The following TTN variants were observed in gnomAD, a reference collection of about 807,000 sequenced individuals.
TTN encodes the protein titin, also known as connectin.
A neutral mutation model predicts 3,223.0 loss-of-function variants in TTN; 1,525 were observed. The ratio of observed to expected loss-of-function variants is 0.47; its 90% confidence interval spans 0.45 to 0.49. The LOEUF is 0.49. Ranked by LOEUF, TTN falls within the 20% of genes least tolerant of loss-of-function variation. The probability of loss-of-function intolerance (pLI) is 0.00; values close to 1 mark genes in which losing one functional copy is unlikely to be tolerated. For synonymous variants in TTN, 14,094 were observed against 15,161.0 expected (o/e 0.93, Z 5.17); for missense variants, 40,786 against 43,424.0 (o/e 0.94, Z 5.40).
At chr2:178,652,043 C>T (rs572407357) in intron 204 of TTN, 53 bp downstream of exon 204, 94 of 1,611,886 alleles carry the variant, frequency 5.8e-5, no homozygotes, top group Non-Finnish European at 7.9e-5. Context: ...GTTTTTACAA[C>T]ACTAAGGAAA....
At chr2:178,667,599 A>G (rs1166556523) in intron 160 of TTN, 39 bp downstream of exon 160, 1 of 1,580,400 alleles carries the variant, frequency 6.3e-7, no homozygotes, top group South Asian at 1.1e-5. Context: ...GGGGCCAAAA[A>G]ATAATTTTTC....
In TTN at chr2:178,634,323, G is replaced by C. The variant is rs1426036331; in HGVS notation, c.42415+43C>G. ...GTCCTATCTTTAAAGTCATATATTT[G>C]CATGCCTTTATGGGATGTCACAGAT... On this transcript the variant is annotated intron_variant, in intron 230 of 362. Transcript: ENST00000589042. The surrounding 1 kb of genome is among the most constrained non-coding windows in gnomAD (Gnocchi z 4.6). 6.4e-7 allele frequency: 1 copy of C among 1,572,902 alleles called. No homozygotes were observed. The highest frequency in any genetic ancestry group is 1.4e-5 in the African/African-American group (1 of 72,310).
Position 178,738,114 on chromosome 2 carries a change from C to T in TTN, c.14339G>A (p.Ser4780Asn), listed in dbSNP as rs147879266. ...YTCKASNEYGSVSCTATLTVT... is the reference protein window; with the variant it reads ...YTCKASNEYGNVSCTATLTVT... ...AGTTAGTGTGGCTGTACAGCTGACACTGCCATACTCATTGGAAGCTTTGCA... is the reference window on the plus strand; with the variant it reads ...AGTTAGTGTGGCTGTACAGCTGACATTGCCATACTCATTGGAAGCTTTGCA... Residue 4780 changes from serine to asparagine, a missense_variant, in exon 49 of 363, where the codon AGT becomes AAT. Ser to Asn is a conservative substitution (Grantham distance 46). Transcript: ENST00000589042. The T allele has an allele frequency of 4.4e-5, 71 of 1,613,716 alleles. 1 individual carries two copies. In the East Asian group the frequency reaches 1.0e-3, roughly 24 times the overall value.
At chr2:178,779,500 C>A (rs1243678279) in intron 22 of TTN, 38 bp from the exon 23 acceptor site, 1 of 1,234,552 alleles carries the variant, frequency 8.1e-7, no homozygotes, top group South Asian at 1.3e-5. Flanking sequence ...AAATACATAT[C>A]CTTACTGATA....
Position 178,751,854 on chromosome 2 carries a change from A to T in TTN, c.11311+1270T>A, listed in dbSNP as rs139322919. The T allele has an allele frequency of 2.5e-6, 4 of 1,610,412 alleles. No homozygotes were observed. The highest frequency in any genetic ancestry group is 1.3e-5 in the African/African-American group (1 of 74,612). ...GTAAAAACAACCGGTTCACCCTCTA[A>T]AACATATTTAAATGTAAGTTTCTGG... On this transcript the variant is annotated intron_variant, in intron 47 of 362. Transcript: ENST00000589042.
intron 47 of TTN, chr2:178,749,580 G>T (rs575175050): frequency 1.2e-6 from 2 of 1,612,292 alleles, no homozygotes; most frequent in African/African-American, 1.3e-5. Context: ...TCTTGCAGTT[G>T]CTGATCTCTG....
rs749889101 is a variant in TTN at position 178,610,109 on chromosome 2, G to A, written c.51417C>T (p.Val17139=). The A allele has an allele frequency of 4.3e-6, 7 of 1,612,700 alleles. No homozygotes were observed. In the Admixed American group the frequency reaches 5.0e-5, roughly 12 times the overall value. Residue 17139 remains valine, a synonymous_variant, in exon 271 of 363, where the codon GTC becomes GTT. Coordinates refer to ENST00000589042, the MANE Select transcript of TTN (RefSeq NM_001267550.2). ...ACTTACGCTTTGGATCTTGAGCAAT[G>A]ACTGGATTTTTCAGTTCAATATATT... ...GGEYIELKNP[V]IAQDPKQPPD...
In TTN at chr2:178,727,776, G is replaced by T. The variant is rs1578111426; in HGVS notation, c.19802C>A (p.Pro6601Gln). The stretch of plus-strand genomic sequence containing the variant: ...CTTAAACCATTTTATTTTAAATGGT[G>T]GTGTTCCTTTTAGTATTGCCTTAAA... ...VEFKAILKGT[P>Q]PFKIKWFKDD... The change falls in exon 68 of 363, where the codon CCA becomes CAA. Residue 6601 changes from proline (P) to glutamine (Q), a missense_variant. Coordinates refer to ENST00000589042, the MANE Select transcript of TTN (RefSeq NM_001267550.2). 1 of 1,613,110 alleles carries T rather than the reference G, an allele frequency of 6.2e-7. No individual in the cohort carries two copies. Among genetic ancestry groups the T allele is most frequent in the Non-Finnish European group, 8.5e-7 (1 of 1,179,364 alleles).
intron 198 of TTN, 47 bp downstream of exon 198, chr2:178,653,191 C>T (rs780939316): frequency 1.9e-6 from 3 of 1,609,198 alleles, no homozygotes; most frequent in Admixed American, 1.7e-5. Context: ...ATGTCTTCAA[C>T]TGCAAAAGAA....
rs748067330 is a variant in TTN, at chr2:178,706,722, T to C, written c.29152A>G (p.Ile9718Val). 4 of 1,608,922 alleles carry C rather than the reference T, an allele frequency of 2.5e-6. No individual in the cohort carries two copies. In the Admixed American group the frequency reaches 5.0e-5, roughly 20 times the overall value. ...RVVEKTTATF[I>V]AKVGGDPIPN... Reference sequence around the variant, plus strand: ...ATTGGGTCACCTCCAACTTTTGCAATGAAGGTCGCAGTGGTTTCTAAGGAA... The same window carrying C: ...ATTGGGTCACCTCCAACTTTTGCAACGAAGGTCGCAGTGGTTTCTAAGGAA... The change falls in exon 102 of 363, where the codon ATT becomes GTT. Residue 9718 changes from isoleucine (I) to valine (V), a missense_variant. Coordinates refer to ENST00000589042, the MANE Select transcript of TTN (RefSeq NM_001267550.2).
In TTN at chr2:178,722,873, T is replaced by C. The variant is rs1193896302; in HGVS notation, c.22026A>G (p.Leu7342=). ...CTGGTGTCCCAGCAACTTGGCATTG[T>C]AAAGAAACCGAATCTCCAACTGCTG... ...LEAAVGDSVS[L]QCQVAGTPEI... is the part of the protein sequence containing the mutation. The change falls in exon 76 of 363, where the codon TTA becomes TTG. Residue 7342 remains leucine, a synonymous_variant. Transcript: ENST00000589042. 1 of 1,613,036 alleles carries C rather than the reference T, an allele frequency of 6.2e-7. No individual in the cohort carries two copies. The highest frequency in any genetic ancestry group is 1.1e-5 in the South Asian group (1 of 90,978).
chr2:178,532,127 A>G lies in TTN; in HGVS notation c.104488T>C (p.Ser34830Pro), dbSNP rs1455468740. ...EISKHAQRESSSSASRLLRRR... is the reference protein window; with the variant it reads ...EISKHAQRESPSSASRLLRRR... ...CTCAGTAGTCTAGACGCAGATGAGG[A>G]TGATTCTCTTTGAGCATGTTTTGAG... The change falls in exon 358 of 363, where the codon TCC becomes CCC. Residue 34830 changes from serine to proline, a missense_variant. Ser to Pro is a moderately conservative substitution (Grantham distance 74, BLOSUM62 -1). Transcript: ENST00000589042. The G allele has an allele frequency of 3.1e-6, 5 of 1,613,972 alleles. No individual in the cohort carries two copies. The highest frequency in any genetic ancestry group is 3.4e-6 in the Non-Finnish European group (4 of 1,179,858).
In TTN at chr2:178,741,567, T is replaced by G; in HGVS notation, c.11666A>C (p.Glu3889Ala). 2 of 1,613,834 alleles carry G rather than the reference T, an allele frequency of 1.2e-6. No homozygotes were observed. Among genetic ancestry groups the G allele is most frequent in the Non-Finnish European group, 1.7e-6 (2 of 1,179,824 alleles). ...ILFTKLEDEG[E>A]YTCMASNDYG... ...GTCATTACTGGCCATACATGTATAC[T>G]CTCCCTCATCCTCCAATTTGGTGAA... Residue 3889 changes from glutamate to alanine, a missense_variant, in exon 48 of 363, where the codon GAG becomes GCG. Coordinates refer to ENST00000589042, the MANE Select transcript of TTN (RefSeq NM_001267550.2).
rs2090820350 is a variant in TTN at position 178,768,024 on chromosome 2, T to C, written c.9295A>G (p.Ile3099Val). 6.2e-7 allele frequency: 1 copy of C among 1,614,050 alleles called. No homozygotes were observed. Among genetic ancestry groups the C allele is most frequent in the Admixed American group, 1.7e-5 (1 of 60,000 alleles). ...GACAAAACAACTGACCTGTCTGTGATCTGCAGTTCCTGGTCATCTTTCATC... is the reference window on the plus strand; with the variant it reads ...GACAAAACAACTGACCTGTCTGTGACCTGCAGTTCCTGGTCATCTTTCATC... Reference protein sequence around the residue: ...QWMKDDQELQITDRIKIQKEK... With the variant: ...QWMKDDQELQVTDRIKIQKEK... The change falls in exon 39 of 363, where the codon ATC (isoleucine) becomes GTC (valine). Residue 3099 changes from isoleucine to valine, a missense_variant. Ile to Val is a conservative substitution (Grantham distance 29). Transcript: ENST00000589042.
intron 71 of TTN, 180 bp downstream of exon 71, chr2:178,725,188 T>C (rs1368650616): frequency 3.2e-6 from 2 of 624,076 alleles, no homozygotes; most frequent in Non-Finnish European, 4.7e-6. Flanking sequence ...TAATTTTTGT[T>C]AGAATCACAG....
In TTN at chr2:178,562,826, G is replaced by A; in HGVS notation, c.83306C>T (p.Ala27769Val). Residue 27769 changes from alanine (A) to valine (V), a missense_variant, in exon 326 of 363, where the codon GCC becomes GTC. By Grantham distance (64) the Ala-to-Val change is moderately conservative (BLOSUM62 0). Coordinates refer to ENST00000589042, the MANE Select transcript of TTN (RefSeq NM_001267550.2). Reference sequence around the variant, plus strand: ...TTCTCTTATGGTCAAATTCACAGGGGCACTTGGTGAGTCAAGAACTCTGAC... The same window carrying A: ...TTCTCTTATGGTCAAATTCACAGGGACACTTGGTGAGTCAAGAACTCTGAC... Reference protein sequence around the residue: ...VNVRVLDSPSAPVNLTIREVK... With the variant: ...VNVRVLDSPSVPVNLTIREVK... 8 of 1,612,956 alleles carry A rather than the reference G, an allele frequency of 5.0e-6. No individual in the cohort carries two copies. The highest frequency in any genetic ancestry group is 6.8e-6 in the Non-Finnish European group (8 of 1,179,472).
chr2:178,668,631 C>A (rs551878842), intron 159 of TTN, among the ~76,000 whole-genome samples: 1 of 151,266 alleles, frequency 6.6e-6, no homozygotes, highest in East Asian at 1.9e-4. Flanking sequence ...ACTCGGGAGG[C>A]TGGGGCAGGA....
Position 178,528,646 on chromosome 2 carries a change from G to A in TTN, c.107105C>T (p.Pro35702Leu), listed in dbSNP as rs772957495. The change falls in exon 360 of 363, where the codon CCA (proline) becomes CTA (leucine). Residue 35702 changes from proline (P) to leucine (L), a missense_variant. By Grantham distance (98) the Pro-to-Leu change is moderately conservative. Coordinates refer to ENST00000589042, the MANE Select transcript of TTN (RefSeq NM_001267550.2). ...AGATCTAGGCTGTGAGATGAAGGCT[G>A]GAGCATCTGAGAGTTCTTTGCTCAG... ...LTLSKELSDAPAFISQPRSQN... is the reference protein window; with the variant it reads ...LTLSKELSDALAFISQPRSQN... 329 of 1,612,788 alleles carry A rather than the reference G, an allele frequency of 2.0e-4. No individual in the cohort carries two copies. The highest frequency in any genetic ancestry group is 2.8e-4 in the Non-Finnish European group (325 of 1,179,364).
Position 178,734,321 on chromosome 2 carries a change from C to A in TTN, c.15496+7G>T, listed in dbSNP as rs746995346. 1.3e-6 allele frequency: 2 copies of A among 1,574,164 alleles called. No individual in the cohort carries two copies. The highest frequency in any genetic ancestry group is 2.4e-5 in the South Asian group (2 of 84,228). On this transcript the variant is annotated splice_region_variant and intron_variant, in intron 52 of 362. Coordinates refer to ENST00000589042, the MANE Select transcript of TTN (RefSeq NM_001267550.2). ...ATTAAAGAGACATTAGTTTTTCAAG[C>A]ACTAACCTTTGAGTAAGTGGGTTGC...
Sources: allele counts gnomAD v4.1 joint callset (sites outside exome capture counted in the v4.1 genomes callset), GRCh38; gene constraint gnomAD v4.1.1; non-coding constraint Gnocchi (gnomAD v3.1); transcripts MANE v1.5; gene names NCBI Gene and HGNC (gene_info 2026-07-23, HGNC 2026-07-21).